Variants in FAM184B observed in about 807,000 individuals in gnomAD.
The protein encoded by FAM184B is protein FAM184B.
A neutral mutation model predicts 135.9 loss-of-function variants in FAM184B; 111 were observed. The ratio of observed to expected loss-of-function variants is 0.82; its 90% confidence interval spans 0.70 to 0.96. The LOEUF (loss-of-function observed/expected upper bound fraction) is 0.96, where lower values mean the gene tolerates loss of function less well. Ranked by LOEUF, FAM184B falls within the 40% of genes least tolerant of loss-of-function variation. The pLI, the probability that FAM184B is intolerant of heterozygous loss-of-function variation, is 0.00. For synonymous variants in FAM184B, 552 were observed against 524.8 expected (o/e 1.05, Z -0.71); for missense variants, 1,375 against 1,323.9 (o/e 1.04, Z -0.60).
rs981799386 is a variant in FAM184B, at chr4:17,633,940, A to T, written c.2890-52T>A. 6 of 879,908 alleles carry T rather than the reference A, an allele frequency of 6.8e-6. No individual in the cohort carries two copies. In the African/African-American group the frequency reaches 9.5e-5, roughly 14 times the overall value. 54.5% of individuals were successfully genotyped at this position (879,908 alleles called of 1,614,324 possible). A position where few individuals can be genotyped will look rare whatever the true frequency, so the allele number is the denominator to read the frequency against. On this transcript the variant is annotated intron_variant, in intron 16 of 17. Transcript: ENST00000265018. ...GCAATGCAATGCAAAAAACAAAATAAAGCATTATTGTAAAAGCAAATAATG... is the reference window on the plus strand; with the variant it reads ...GCAATGCAATGCAAAAAACAAAATATAGCATTATTGTAAAAGCAAATAATG...
chr4:17,652,702 T>C (rs1715653555), intron 11 of FAM184B, 128 bp downstream of exon 11: 1 of 1,141,848 alleles, frequency 8.8e-7, no homozygotes, highest in Non-Finnish European at 1.2e-6. Context: ...CCTGTGAGCC[T>C]GAGATTCCCG....
intron 6 of FAM184B, among the ~76,000 whole-genome samples, chr4:17,689,721 G>A (rs1410911160): frequency 5.9e-5 from 9 of 152,006 alleles, no homozygotes; most frequent in Admixed American, 5.9e-4. Flanking sequence ...AGGCTCAAGA[G>A]ATCCTCCCAC....
intron 12 of FAM184B, among the ~76,000 whole-genome samples, chr4:17,647,279 G>T (rs200236597): frequency 7.0e-6 from 1 of 143,090 alleles, no homozygotes; most frequent in African/African-American, 2.6e-5. Flanking sequence ...TTGAGACAGG[G>T]TCTTGCTATG....
chr4:17,657,655 C>CTTTTTTTTT (rs58666074), intron 10 of FAM184B, among the ~76,000 whole-genome samples: 8 of 114,416 alleles, frequency 7.0e-5, no homozygotes, highest in Non-Finnish European at 1.2e-4. Context: ...CTGAGCTGTT[C>CTTTTTTTTT]TTTTTTTTTT....
chr4:17,671,413 C>T (rs1716166782), intron 7 of FAM184B, among the ~76,000 whole-genome samples: 1 of 152,166 alleles, frequency 6.6e-6, no homozygotes, highest in South Asian at 2.1e-4. Flanking sequence ...ACCATAGCTC[C>T]TCCTTGGCTC....
chr4:17,696,521 A>G (rs1182739385), intron 5 of FAM184B, among the ~76,000 whole-genome samples: 1 of 152,212 alleles, frequency 6.6e-6, no homozygotes, highest in African/African-American at 2.4e-5. Flanking sequence ...AAGATGAACT[A>G]AAAGGCTGGA....
chr4:17,777,321 G>C (rs28625332), intron 1 of FAM184B, among the ~76,000 whole-genome samples: 45,772 of 151,958 alleles, frequency 0.3, 7,152 homozygotes, highest in South Asian at 0.37. Context: ...CTGTTGGTGG[G>C]AACAGAAACT....
intron 1 of FAM184B, among the ~76,000 whole-genome samples, chr4:17,715,611 T>A (rs1035454446): frequency 1.3e-5 from 2 of 152,198 alleles, no homozygotes; most frequent in Non-Finnish European, 2.9e-5. Context: ...ATACTGTATA[T>A]TTGAAAATTG....
At chr4:17,741,177 T>A (rs1718024437) in intron 1 of FAM184B, among the ~76,000 whole-genome samples, 1 of 152,154 alleles carries the variant, frequency 6.6e-6, no homozygotes, top group African/African-American at 2.4e-5. Flanking sequence ...AGTGGGAGGA[T>A]CTGACAAACA....
At chr4:17,765,887 G>A (rs1376182553) in intron 1 of FAM184B, among the ~76,000 whole-genome samples, 2 of 152,168 alleles carry the variant, frequency 1.3e-5, no homozygotes, top group Non-Finnish European at 2.9e-5. Context: ...TTTCAGAAGT[G>A]AAGCTGCAGA....
intron 1 of FAM184B, among the ~76,000 whole-genome samples, chr4:17,748,135 G>A (rs1327234871): frequency 2.0e-5 from 3 of 147,776 alleles, no homozygotes; most frequent in Non-Finnish European, 3.0e-5. Flanking sequence ...AAAAGAAAGA[G>A]TCAGAAGTAG....
At chr4:17,707,551 C>T (rs1717146255) in intron 3 of FAM184B, 98 bp downstream of exon 3, 1 of 1,474,620 alleles carries the variant, frequency 6.8e-7, no homozygotes, top group Non-Finnish European at 9.1e-7. Flanking sequence ...CCTGCCCCTC[C>T]TCTCTGCTCC....
Position 17,652,968 on chromosome 4 carries a change from A to G in FAM184B, c.2053T>C (p.Leu685=), listed in dbSNP as rs1192050914. 6.4e-7 allele frequency: 1 copy of G among 1,551,668 alleles called. No homozygotes were observed. The highest frequency in any genetic ancestry group is 2.4e-5 in the East Asian group (1 of 40,918). The change falls in exon 11 of 18, where the codon TTG becomes CTG. Residue 685 remains leucine (L), a synonymous_variant. Coordinates refer to ENST00000265018, the MANE Select transcript of FAM184B (RefSeq NM_015688.2). ...HQELKATEER[L]KKESSHSLQI... ...AGGCTGTGGCTGGATTCCTTCTTCA[A>G]GCGTTCCTCTGTGGCCTGTGGGAAA...
At position 17,746,460 on chromosome 4, in the gene FAM184B, G is replaced by A. The variant is rs186618453; in HGVS notation, c.141+34699C>T. Among the ~76,000 whole-genome samples, 703 of 152,022 alleles carry A rather than the reference G, an allele frequency of 4.6e-3. 4 individuals carry two copies. Among genetic ancestry groups the A allele is most frequent in the Non-Finnish European group, 9.0e-3 (609 of 67,966 alleles). On this transcript the variant is annotated intron_variant, in intron 1 of 17. Coordinates refer to ENST00000265018, the MANE Select transcript of FAM184B (RefSeq NM_015688.2). ...AAGTAGATTCCTTTGGCAGGGCGCG[G>A]TGGCTCATGCCTGTGATCCCAGCAC...
chr4:17,729,403 G>A (rs1443127270), intron 1 of FAM184B, among the ~76,000 whole-genome samples: 2 of 152,208 alleles, frequency 1.3e-5, no homozygotes, highest in Non-Finnish European at 2.9e-5. Context: ...GAGAGTAGTG[G>A]TTCTCCCAGC....
chr4:17,746,686 C>T (rs576337770), intron 1 of FAM184B, among the ~76,000 whole-genome samples: 46 of 149,576 alleles, frequency 3.1e-4, no homozygotes, highest in African/African-American at 1.1e-3. Flanking sequence ...GAGCTGAGAT[C>T]GTGCCACTGC....
chr4:17,657,415 G>A (rs1715800109), intron 10 of FAM184B, among the ~76,000 whole-genome samples: 1 of 152,098 alleles, frequency 6.6e-6, no homozygotes, highest in Non-Finnish European at 1.5e-5. Flanking sequence ...CCCTGGCATC[G>A]TAGCTCTCTT....
At chr4:17,693,248 A>C in intron 6 of FAM184B, 54 bp downstream of exon 6, 8 of 1,379,392 alleles carry the variant, frequency 5.8e-6, no homozygotes, top group Non-Finnish European at 8.0e-6. Flanking sequence ...GTTAGGTAGA[A>C]GCTCCCAGGG....
At chr4:17,775,979 C>T (rs955552093) in intron 1 of FAM184B, among the ~76,000 whole-genome samples, 9 of 152,102 alleles carry the variant, frequency 5.9e-5, no homozygotes, top group African/African-American at 2.2e-4. Flanking sequence ...CACATTTGTA[C>T]CCCCTAAATC....
Sources: gnomAD v4.1 joint callset for allele counts (sites outside exome capture counted in the v4.1 genomes callset) on GRCh38, gnomAD v4.1.1 for gene constraint, MANE v1.5 for transcripts, NCBI Gene and HGNC (gene_info 2026-07-23, HGNC 2026-07-21) for gene names.